Variants in OSBPL8 observed in about 807,000 individuals in gnomAD.
OSBPL8 encodes oxysterol-binding protein-related protein 8.
Under a neutral mutation model 125.5 loss-of-function variants are expected in OSBPL8, and 59 were observed. The observed-to-expected ratio is 0.47, with a 90% CI of 0.38 to 0.58. The LOEUF is 0.58. OSBPL8 is among the 20% of genes least tolerant of loss of function. OSBPL8 has a pLI of 0.00. For synonymous variants in OSBPL8, 330 were observed against 338.9 expected, an observed-to-expected ratio of 0.97 and a Z score of 0.29; for missense variants, 758 against 1,047.8, an observed-to-expected ratio of 0.72 and a Z score of 3.82.
At chr12:76,477,889 TA>T (rs879863434) in intron 2 of OSBPL8, among the ~76,000 whole-genome samples, 129 of 143,794 alleles carry the variant, frequency 9.0e-4, no homozygotes, top group African/African-American at 1.0e-3. Flanking sequence ...AAAATTAAAC[TA>T]AAAAAAAAAA....
intron 13 of OSBPL8, 77 bp downstream of exon 13, chr12:76,386,502 C>T (rs944279909): frequency 1.4e-6 from 2 of 1,390,138 alleles, no homozygotes; most frequent in Non-Finnish European, 2.0e-6. Flanking sequence ...ACTGTTAACA[C>T]ACAATCTACA....
Position 76,353,165 on chromosome 12 carries a change from G to C in OSBPL8, c.*2724C>G, listed in dbSNP as rs963574972. On this transcript the variant is annotated 3_prime_UTR_variant, in exon 24 of 24. Coordinates refer to ENST00000261183, the MANE Select transcript of OSBPL8 (RefSeq NM_020841.5). ...CAAGGCCAACTTTTCAATGGAATGC[G>C]GTTACCAACTGAGCTGTGACAAAGA... 2.0e-5 allele frequency: 3 copies of C among 152,236 alleles called. No homozygotes were observed. Among genetic ancestry groups the C allele is most frequent in the Non-Finnish European group, 4.4e-5 (3 of 67,830 alleles). 9.4% of individuals were successfully genotyped at this position (152,236 alleles called of 1,614,324 possible).
At chr12:76,368,988 T>G (rs1044311616) in intron 21 of OSBPL8, among the ~76,000 whole-genome samples, 3 of 152,162 alleles carry the variant, frequency 2.0e-5, no homozygotes, top group African/African-American at 7.2e-5. Flanking sequence ...TTGACCAGTG[T>G]TCACTTGGTT....
At chr12:76,448,451 T>C (rs199932180) in intron 4 of OSBPL8, among the ~76,000 whole-genome samples, 1 of 151,984 alleles carries the variant, frequency 6.6e-6, no homozygotes, top group East Asian at 1.9e-4. Flanking sequence ...TGATGCACAG[T>C]GCAAAAAAAA....
At chr12:76,379,861 A>G (rs990151651) in intron 15 of OSBPL8, among the ~76,000 whole-genome samples, 3 of 152,182 alleles carry the variant, frequency 2.0e-5, no homozygotes, top group African/African-American at 7.2e-5. Context: ...TTCATTTTTC[A>G]TGGGCAAATA....
At chr12:76,372,369 A>AT (rs1245246367) in intron 18 of OSBPL8, among the ~76,000 whole-genome samples, 1 of 151,724 alleles carries the variant, frequency 6.6e-6, no homozygotes, top group South Asian at 2.1e-4. Flanking sequence ...TGCCCATCTA[A>AT]TTTTTTTATT....
intron 1 of OSBPL8, among the ~76,000 whole-genome samples, chr12:76,558,913 T>C (rs1281663797): frequency 1.3e-5 from 2 of 152,158 alleles, no homozygotes; most frequent in African/African-American, 4.8e-5. Flanking sequence ...GAACTGAGGC[T>C]TAGAGGAACA....
intron 8 of OSBPL8, among the ~76,000 whole-genome samples, chr12:76,395,785 G>C (rs1953767027): frequency 6.6e-6 from 1 of 152,018 alleles, no homozygotes; most frequent in African/African-American, 2.4e-5. Context: ...AGAACTCATA[G>C]CTGTTACTAT....
intron 1 of OSBPL8, among the ~76,000 whole-genome samples, chr12:76,539,543 A>C (rs1950587590): frequency 6.6e-6 from 1 of 152,224 alleles, no homozygotes; most frequent in East Asian, 1.9e-4. Flanking sequence ...ACTGAAAGCA[A>C]GAAAACAAAA....
chr12:76,515,520 G>A (rs1410930558), intron 1 of OSBPL8, among the ~76,000 whole-genome samples: 3 of 152,132 alleles, frequency 2.0e-5, no homozygotes, highest in South Asian at 2.1e-4. Flanking sequence ...GGGTGGCTCC[G>A]CAATTTCCTC....
In OSBPL8 at chr12:76,527,277, C is replaced by T. The variant is rs144814312; in HGVS notation, c.-68+32120G>A. ...GGGGGGATTGTGCAACATGAGGCAA[C>T]TTACAATAACTACAACCAATCAATA... On this transcript the variant is annotated intron_variant, in intron 1 of 23. Transcript: ENST00000261183. 2.0e-3 allele frequency among the ~76,000 whole-genome samples: 309 copies of T among 152,032 alleles called. 1 individual carries two copies. The highest frequency in any genetic ancestry group is 7.1e-3 in the African/African-American group (294 of 41,440).
intron 2 of OSBPL8, among the ~76,000 whole-genome samples, chr12:76,475,654 A>G (rs992336484): frequency 6.6e-6 from 1 of 152,168 alleles, no homozygotes; most frequent in African/African-American, 2.4e-5. Flanking sequence ...GCAAGTAAGA[A>G]CTGAATTACT....
At chr12:76,423,440 T>C (rs1484301838) in intron 4 of OSBPL8, among the ~76,000 whole-genome samples, 1 of 152,168 alleles carries the variant, frequency 6.6e-6, no homozygotes, top group Non-Finnish European at 1.5e-5. Flanking sequence ...CTTAATTACA[T>C]TTAAACTGTT....
chr12:76,474,771 C>T (rs1184431204), intron 2 of OSBPL8, among the ~76,000 whole-genome samples: 1 of 152,224 alleles, frequency 6.6e-6, no homozygotes, highest in African/African-American at 2.4e-5. Context: ...GCGTGAGCCA[C>T]TGCACCCAGC....
At chr12:76,441,940 AATTG>A (rs781295324) in intron 4 of OSBPL8, among the ~76,000 whole-genome samples, 137 of 152,312 alleles carry the variant, frequency 9.0e-4, no homozygotes, top group South Asian at 2.5e-3. Flanking sequence ...AAAACAGTAT[AATTG>A]ATTGTCTGTA....
rs151119208 is a variant in OSBPL8 at position 76,359,352 on chromosome 12, A to C, written c.2329-541T>G. ...AAGTATCTTATAATAAATAAAAATG[A>C]TACCATTATTTTGTAGAGCATTATT... On this transcript the variant is annotated intron_variant, in intron 21 of 23. Coordinates refer to ENST00000261183, the MANE Select transcript of OSBPL8 (RefSeq NM_020841.5). 3.7e-3 allele frequency among the ~76,000 whole-genome samples: 556 copies of C among 152,308 alleles called. 3 individuals carry two copies. The highest frequency in any genetic ancestry group is 0.013 in the African/African-American group (532 of 41,560).
intron 2 of OSBPL8, among the ~76,000 whole-genome samples, chr12:76,481,429 C>A (rs1050044394): frequency 1.3e-5 from 2 of 152,108 alleles, no homozygotes; most frequent in Non-Finnish European, 2.9e-5. Flanking sequence ...ATTGTTGTTA[C>A]AGCCTGGGAA....
intron 2 of OSBPL8, among the ~76,000 whole-genome samples, chr12:76,460,486 C>A (rs1874585893): frequency 6.9e-6 from 1 of 144,052 alleles, no homozygotes; most frequent in Non-Finnish European, 1.5e-5. Context: ...CAAATTCTTT[C>A]TCAATTGGCA....
intron 1 of OSBPL8, among the ~76,000 whole-genome samples, chr12:76,559,051 C>T (rs918580947): frequency 6.6e-6 from 1 of 152,208 alleles, no homozygotes; most frequent in Admixed American, 6.5e-5. Context: ...GCCAGCTCTC[C>T]TGGGCGCGGG....
Sources: gnomAD v4.1 joint callset for allele counts (sites outside exome capture counted in the v4.1 genomes callset) on GRCh38, gnomAD v4.1.1 for gene constraint, MANE v1.5 for transcripts, NCBI Gene and HGNC (gene_info 2026-07-23, HGNC 2026-07-21) for gene names.